The following TAPBPL variants were observed in gnomAD, a reference collection of about 807,000 sequenced individuals.
TAPBPL encodes TAP binding protein like, also known as tapasin-related protein.
A neutral mutation model predicts 44.8 loss-of-function variants in TAPBPL; 32 were observed. The observed-to-expected ratio is 0.71, with a 90% CI of 0.54 to 0.96. The LOEUF (loss-of-function observed/expected upper bound fraction) is 0.96. Among genes scored for constraint, TAPBPL ranks in the 40% least tolerant of loss-of-function variants. The pLI is 0.00. For missense variants in TAPBPL, 520 were observed against 586.6 expected (o/e 0.89, Z 1.17); for synonymous variants, 230 against 240.7 (o/e 0.96, Z 0.41).
chr12:6,470,470 G>T, downstream of TAPBPL: 2 of 1,612,188 alleles, frequency 1.2e-6, no homozygotes, highest in East Asian at 2.2e-5. Context: ...CCGCAGAATC[G>T]GGAGCTTGGG....
At chr12:6,454,231 G>A (rs1304712285) in intron 3 of TAPBPL, among the ~76,000 whole-genome samples, 1 of 151,674 alleles carries the variant, frequency 6.6e-6, no homozygotes, top group East Asian at 2.0e-4. Context: ...CACTTTGGGA[G>A]GCCAAGGCAG....
At chr12:6,464,475 TAAA>T, downstream of TAPBPL, 1 of 1,540,584 alleles carries the variant, frequency 6.5e-7, no homozygotes, top group Non-Finnish European at 8.8e-7. Flanking sequence ...CATTCTCAAG[TAAA>T]AAAGTAGACT....
intron 6 of TAPBPL, 61 bp downstream of exon 6, chr12:6,460,999 C>A (rs1406251406): frequency 2.5e-6 from 4 of 1,606,510 alleles, no homozygotes; most frequent in Non-Finnish European, 3.4e-6. Context: ...TAACCACCCC[C>A]CCGCCCAGAC....
Position 6,453,239 on chromosome 12 carries a change from CG to C in TAPBPL, c.238del (p.Asp80IlefsTer41). ...ACGATGGCTCCCTGGAGGACTTCAC[CG>C]ATTTCCAAGGGGGCACACTGGCCCA... is the stretch of plus-strand genomic sequence containing the variant. ...LDDGSLEDFT[D>X]FQGGTLAQDD... is the part of the protein sequence containing the mutation. On this transcript the variant is annotated frameshift_variant, in exon 2 of 7. Transcript: ENST00000266556. LOFTEE classifies it high-confidence loss of function. The surrounding 1 kb of genome is among the most constrained non-coding windows in gnomAD (Gnocchi z 4.8). The C allele has an allele frequency of 6.2e-7, 1 of 1,613,978 alleles. No homozygotes were observed. The highest frequency in any genetic ancestry group is 8.5e-7 in the Non-Finnish European group (1 of 1,179,972).
downstream of TAPBPL, chr12:6,465,465 TAGTGTGTGTG>T (rs1318866567): frequency 9.8e-5 from 12 of 122,756 alleles, no homozygotes; most frequent in Non-Finnish European, 1.3e-4. Flanking sequence ...TGTGTATATA[TAGTGTGTGTG>T]TGTGTGTGTG....
At chr12:6,464,075 G>A (rs1234862121), downstream of TAPBPL, 2 of 1,302,290 alleles carry the variant, frequency 1.5e-6, no homozygotes, top group South Asian at 2.5e-5. Flanking sequence ...CCAGTGGCCA[G>A]GTTTTCTAGA....
Position 6,453,149 on chromosome 12 carries a change from A to G in TAPBPL, c.147A>G (p.Gly49=), listed in dbSNP as rs765303539. The change falls in exon 2 of 7, where the codon GGA becomes GGG. Residue 49 remains glycine (G), a synonymous_variant. Transcript: ENST00000266556. This position sits in a 1 kb window ranked among gnomAD's most constrained non-coding sequence, Gnocchi z 4.8. ...TGGCGAAGGACGGTGCGCACCGTGG[A>G]GCTCTCGCCAGCAGTGAGGACAGGG... ...CFLAKDGAHR[G]ALASSEDRAR... The G allele has an allele frequency of 1.2e-6, 2 of 1,602,240 alleles. No individual in the cohort carries two copies. Among genetic ancestry groups the G allele is most frequent in the East Asian group, 4.5e-5 (2 of 44,478 alleles).
At chr12:6,461,224 A>G (rs1949851696) in intron 6 of TAPBPL, 1 of 1,250,916 alleles carries the variant, frequency 8.0e-7, no homozygotes, top group African/African-American at 1.5e-5. Flanking sequence ...AGCTAAAAAT[A>G]CATGAAGGTG....
At chr12:6,452,572 G>A (rs1949582358) in intron 1 of TAPBPL, 1 of 1,370,780 alleles carries the variant, frequency 7.3e-7, no homozygotes, top group East Asian at 2.9e-5. Flanking sequence ...CTACAGAGAG[G>A]GCACTGGCCT....
downstream of TAPBPL, chr12:6,470,699 G>C: frequency 1.2e-6 from 1 of 813,618 alleles, no homozygotes; most frequent in South Asian, 1.6e-5. Flanking sequence ...GCCGGCCTCC[G>C]CCTTTATTAG....
chr12:6,462,517 G>A (rs1408389914), downstream of TAPBPL: 3 of 502,626 alleles, frequency 6.0e-6, no homozygotes, highest in East Asian at 6.3e-5. Flanking sequence ...GGTGGTGGGA[G>A]GAAAGGGGGA....
chr12:6,464,667 G>T, downstream of TAPBPL: 11 of 1,468,838 alleles, frequency 7.5e-6, no homozygotes, highest in Non-Finnish European at 9.0e-6. Context: ...CTCAGAACAG[G>T]AGGCGCCATC....
intron 5 of TAPBPL, among the ~76,000 whole-genome samples, chr12:6,459,684 A>G (rs190926444): frequency 5.9e-5 from 9 of 152,130 alleles, no homozygotes; most frequent in Admixed American, 5.9e-4. Context: ...TGGGCCTTCA[A>G]GCTGGAACTT....
intron 3 of TAPBPL, 97 bp from the exon 4 acceptor site, chr12:6,457,309 G>T (rs765025420): frequency 1.2e-5 from 14 of 1,175,300 alleles, no homozygotes; most frequent in Non-Finnish European, 1.7e-5. Flanking sequence ...AGGCGAGGAA[G>T]AGGCAGGTGT....
At chr12:6,470,855 G>A, downstream of TAPBPL, 1 of 478,614 alleles carries the variant, frequency 2.1e-6, no homozygotes, top group Non-Finnish European at 3.8e-6. Flanking sequence ...GGAAAGGAGC[G>A]GTTGCTGTGA....
chr12:6,465,357 A>AGTATATATATATATAAATGTATATATAT (rs1452927345), downstream of TAPBPL: 106 of 214,272 alleles, frequency 4.9e-4, 3 homozygotes, highest in East Asian at 5.2e-3. Flanking sequence ...AAAAGAAAAA[A>AGTATATATATATATAAATGTATATATAT]GTATATATAT....
downstream of TAPBPL, among the ~76,000 whole-genome samples, chr12:6,469,855 C>A (rs1055819606): frequency 6.6e-6 from 1 of 152,186 alleles, no homozygotes; most frequent in Non-Finnish European, 1.5e-5. Flanking sequence ...CTCCCTATTT[C>A]TCCTCCAACT....
At chr12:6,462,821 C>T (rs1303068429), downstream of TAPBPL, 2 of 1,604,142 alleles carry the variant, frequency 1.2e-6, no homozygotes, top group South Asian at 1.1e-5. Flanking sequence ...TGACTGCTTT[C>T]TTCCAGCTCT....
chr12:6,462,681 A>G, downstream of TAPBPL: 1 of 832,492 alleles, frequency 1.2e-6, no homozygotes, highest in Non-Finnish European at 1.9e-6. Flanking sequence ...AGCCAAGAGG[A>G]CGGATTCGCT....
Sources: allele counts gnomAD v4.1 joint callset (sites outside exome capture counted in the v4.1 genomes callset), GRCh38; gene constraint gnomAD v4.1.1; non-coding constraint Gnocchi (gnomAD v3.1); transcripts MANE v1.5; gene names NCBI Gene and HGNC (gene_info 2026-07-23, HGNC 2026-07-21).